The following TTLL11 variants were observed in gnomAD, a reference collection of about 807,000 sequenced individuals.
TTLL11 encodes the protein tubulin polyglutamylase TTLL11.
A neutral mutation model predicts 51.7 loss-of-function variants in TTLL11; 42 were observed. The observed-to-expected ratio is 0.81, with a 90% CI of 0.64 to 1.05. TTLL11 has a LOEUF of 1.05. TTLL11 is among the 50% of genes least tolerant of loss of function. The pLI, the probability that TTLL11 is intolerant of heterozygous loss-of-function variation, is 0.00. For synonymous variants in TTLL11, 381 were observed against 383.5 expected (o/e 0.99, Z 0.08); for missense variants, 799 against 940.4 (o/e 0.85, Z 1.97).
At chr9:121,899,843 C>A (rs141591844) in intron 6 of TTLL11, among the ~76,000 whole-genome samples, 1 of 152,178 alleles carries the variant, frequency 6.6e-6, no homozygotes, top group South Asian at 2.1e-4. Context: ...GACAGTGCCA[C>A]GTGCATATCA....
chr9:122,091,809 G>A (rs1010948763), intron 1 of TTLL11, among the ~76,000 whole-genome samples: 3 of 152,160 alleles, frequency 2.0e-5, no homozygotes, highest in Admixed American at 6.5e-5. Flanking sequence ...CTTTATCCAC[G>A]TAGCCAATTG....
At chr9:121,897,453 A>T (rs1839569158) in intron 6 of TTLL11, among the ~76,000 whole-genome samples, 1 of 151,690 alleles carries the variant, frequency 6.6e-6, no homozygotes, top group African/African-American at 2.4e-5. Context: ...CTCTCCAGAT[A>T]CTCAGCCTCA....
intron 6 of TTLL11, among the ~76,000 whole-genome samples, chr9:121,923,116 A>G (rs1840599178): frequency 6.6e-6 from 1 of 152,192 alleles, no homozygotes; most frequent in Non-Finnish European, 1.5e-5. Context: ...ATCTTCAGAG[A>G]TATTCATTCC....
At chr9:121,924,662 G>A (rs1303078233) in intron 6 of TTLL11, among the ~76,000 whole-genome samples, 1 of 151,882 alleles carries the variant, frequency 6.6e-6, no homozygotes, top group Non-Finnish European at 1.5e-5. Context: ...TAATGAAAAG[G>A]CAGGGGTCAC....
At chr9:121,837,865 C>A (rs1367459876) in intron 8 of TTLL11, among the ~76,000 whole-genome samples, 1 of 152,250 alleles carries the variant, frequency 6.6e-6, no homozygotes, top group Non-Finnish European at 1.5e-5. Context: ...TCTCTCCCCA[C>A]AGCATGTGAC....
intron 3 of TTLL11, among the ~76,000 whole-genome samples, chr9:122,002,146 A>G (rs935892589): frequency 3.3e-5 from 5 of 152,178 alleles, no homozygotes; most frequent in African/African-American, 1.2e-4. Context: ...GCCCCCTCTC[A>G]TGGGCTCCCA....
intron 8 of TTLL11, among the ~76,000 whole-genome samples, chr9:121,844,647 G>A (rs1166377295): frequency 2.0e-5 from 3 of 152,102 alleles, no homozygotes; most frequent in African/African-American, 7.2e-5. Flanking sequence ...AGAACAGATG[G>A]AAAATGTAAG....
chr9:121,884,037 G>A (rs931436286), intron 6 of TTLL11, among the ~76,000 whole-genome samples: 29 of 152,212 alleles, frequency 1.9e-4, no homozygotes, highest in African/African-American at 6.5e-4. Context: ...AATACCAAAT[G>A]TAAAGAACCC....
In TTLL11 at chr9:121,983,426, G is replaced by A. The variant is rs373905664; in HGVS notation, c.1269+5769C>T. On this transcript the variant is annotated intron_variant, in intron 4 of 8. Coordinates refer to ENST00000321582, the MANE Select transcript of TTLL11 (RefSeq NM_001139442.2). Reference sequence around the variant, plus strand: ...AAATACAGCTATAGGCGCCAGTAGCGTAGAGCTGGTGCTTAAGGCCATGGG... The same window carrying A: ...AAATACAGCTATAGGCGCCAGTAGCATAGAGCTGGTGCTTAAGGCCATGGG... Among the ~76,000 whole-genome samples the A allele has an allele frequency of 1.1e-4, 17 of 152,210 alleles. 1 individual carries two copies. The highest frequency in any genetic ancestry group is 4.1e-4 in the African/African-American group (17 of 41,454).
At chr9:122,036,156 A>AGGCTGTATT (rs1449557326) in intron 2 of TTLL11, among the ~76,000 whole-genome samples, 3 of 151,872 alleles carry the variant, frequency 2.0e-5, no homozygotes, top group Admixed American at 2.0e-4. Flanking sequence ...CAAAGCCCCT[A>AGGCTGTATT]GGCTGTATTT....
At chr9:121,889,261 A>C (rs1839130862) in intron 6 of TTLL11, among the ~76,000 whole-genome samples, 1 of 152,160 alleles carries the variant, frequency 6.6e-6, no homozygotes, top group Non-Finnish European at 1.5e-5. Flanking sequence ...AGACAGAGAG[A>C]GCTCAGAATA....
At chr9:122,030,776 C>CAAA (rs35456581) in intron 3 of TTLL11, among the ~76,000 whole-genome samples, 20 of 69,310 alleles carry the variant, frequency 2.9e-4, no homozygotes, top group African/African-American at 9.2e-4. Context: ...ACAAAAAATA[C>CAAA]AAAAAAAAAA....
intron 4 of TTLL11, among the ~76,000 whole-genome samples, chr9:121,982,835 C>T (rs911463605): frequency 3.3e-5 from 5 of 151,526 alleles, no homozygotes; most frequent in South Asian, 2.1e-4. Flanking sequence ...GTGAGCGAAA[C>T]GGAGAGTGGC....
intron 1 of TTLL11, among the ~76,000 whole-genome samples, chr9:122,058,883 T>A (rs1378194922): frequency 6.6e-6 from 1 of 152,228 alleles, no homozygotes; most frequent in Non-Finnish European, 1.5e-5. Flanking sequence ...ACAGCTGGCA[T>A]TTCCCTGATG....
At chr9:122,071,063 G>A (rs2131893667) in intron 1 of TTLL11, among the ~76,000 whole-genome samples, 1 of 152,256 alleles carries the variant, frequency 6.6e-6, no homozygotes, top group Admixed American at 6.5e-5. Context: ...CACAGTCTCT[G>A]CTTGTCAGTG....
intron 6 of TTLL11, among the ~76,000 whole-genome samples, chr9:121,921,444 T>G (rs1345289161): frequency 6.6e-6 from 1 of 152,150 alleles, no homozygotes; most frequent in Admixed American, 6.5e-5. Context: ...TCATGAGATT[T>G]GTTTTATAAA....
At chr9:121,865,083 G>A (rs963171249) in intron 7 of TTLL11, among the ~76,000 whole-genome samples, 5 of 152,128 alleles carry the variant, frequency 3.3e-5, no homozygotes, top group South Asian at 2.1e-4. Context: ...GTATGACTTC[G>A]AAAGGCCATT....
intron 6 of TTLL11, among the ~76,000 whole-genome samples, chr9:121,944,279 G>A (rs372511815): frequency 1.3e-4 from 20 of 152,244 alleles, no homozygotes; most frequent in Admixed American, 2.0e-4. Flanking sequence ...AGGCCAAGGC[G>A]GGCAGATCAT....
chr9:121,998,210 C>A (rs2131716022), intron 3 of TTLL11, among the ~76,000 whole-genome samples: 1 of 152,262 alleles, frequency 6.6e-6, no homozygotes, highest in Admixed American at 6.5e-5. Flanking sequence ...TTCCCCACAC[C>A]ACAGTCCTAT....
Sources: gnomAD v4.1 joint callset for allele counts (sites outside exome capture counted in the v4.1 genomes callset) on GRCh38, gnomAD v4.1.1 for gene constraint, MANE v1.5 for transcripts, NCBI Gene and HGNC (gene_info 2026-07-23, HGNC 2026-07-21) for gene names.